STAU2: variants seen among roughly 807,000 people sequenced by gnomAD.
The protein encoded by STAU2 is double-stranded RNA-binding protein Staufen homolog 2.
Under a neutral mutation model 65.9 loss-of-function variants are expected in STAU2, and 20 were observed. That is an observed-to-expected ratio of 0.30 (90% confidence interval 0.21 to 0.44). STAU2 has a LOEUF of 0.44. Ranked by LOEUF, STAU2 falls within the 20% of genes least tolerant of loss-of-function variation. STAU2 has a pLI of 1.00. For missense variants in STAU2, 558 were observed against 683.9 expected (o/e 0.82, Z 2.05); for synonymous variants, 232 against 233.9 (o/e 0.99, Z 0.07).
intron 3 of STAU2, among the ~76,000 whole-genome samples, chr8:73,729,014 T>A (rs1805851072): frequency 6.6e-6 from 1 of 152,240 alleles, no homozygotes; most frequent in African/African-American, 2.4e-5. Context: ...AGGGCAAGGA[T>A]TTCAGTCTTT....
At chr8:73,546,123 C>CTTTTTTTTTTTTTTTTTT (rs71561528) in intron 13 of STAU2, among the ~76,000 whole-genome samples, 5 of 93,286 alleles carry the variant, frequency 5.4e-5, no homozygotes, top group Admixed American at 1.7e-4. Flanking sequence ...GTTTGGTTTT[C>CTTTTTTTTTTTTTTTTTT]TTTTTTTTTT....
chr8:73,488,572 T>A (rs1821025491), intron 13 of STAU2, among the ~76,000 whole-genome samples: 1 of 151,982 alleles, frequency 6.6e-6, no homozygotes, highest in Non-Finnish European at 1.5e-5. Flanking sequence ...GTCTTTTAAA[T>A]CTGAGGTCTC....
intron 12 of STAU2, among the ~76,000 whole-genome samples, chr8:73,573,935 A>G (rs189029324): frequency 0.01 from 1,542 of 152,346 alleles, 22 homozygotes; most frequent in African/African-American, 0.035. Flanking sequence ...GCTTCTGCAC[A>G]GCAAAAGAAA....
At chr8:73,701,327 A>C (rs1182891368) in intron 4 of STAU2, among the ~76,000 whole-genome samples, 1 of 152,186 alleles carries the variant, frequency 6.6e-6, no homozygotes, top group Non-Finnish European at 1.5e-5. Context: ...CAGTCAACAA[A>C]GTGAAGAAAC....
At chr8:73,608,857 G>T (rs1391843240) in intron 9 of STAU2, among the ~76,000 whole-genome samples, 10 of 151,806 alleles carry the variant, frequency 6.6e-5, no homozygotes, top group African/African-American at 2.4e-4. Context: ...GGGCATGGTG[G>T]TGGGCACCTG....
chr8:73,605,307 C>CTTTTTTTTT (rs760108756), intron 9 of STAU2, among the ~76,000 whole-genome samples: 1 of 124,028 alleles, frequency 8.1e-6, no homozygotes, highest in East Asian at 2.3e-4. Context: ...GGCTTTTTTC[C>CTTTTTTTTT]TTTTTTTTTT....
At position 73,497,257 on chromosome 8, in the gene STAU2, C is replaced by T. The variant is rs59180809; in HGVS notation, c.1530+54755G>A. ...TCTATGATGCAGATTTGGCTCTAAT[C>T]TGAAGCTTTAGATCTTTATGTAATC... On this transcript the variant is annotated intron_variant, in intron 13 of 14. Coordinates refer to ENST00000524300, the MANE Select transcript of STAU2 (RefSeq NM_001164380.2). 2.9e-3 allele frequency among the ~76,000 whole-genome samples: 438 copies of T among 151,820 alleles called. 2 individuals are homozygous for T. Among genetic ancestry groups the T allele is most frequent in the African/African-American group, 0.01 (417 of 41,510 alleles).
chr8:73,570,735 G>T (rs1327804729), intron 12 of STAU2, among the ~76,000 whole-genome samples: 1 of 152,210 alleles, frequency 6.6e-6, no homozygotes, highest in Non-Finnish European at 1.5e-5. Context: ...AAGCCCATCA[G>T]ACTAACAGCG....
At chr8:73,448,261 T>C (rs1818585468) in intron 13 of STAU2, among the ~76,000 whole-genome samples, 1 of 152,100 alleles carries the variant, frequency 6.6e-6, no homozygotes, top group African/African-American at 2.4e-5. Flanking sequence ...GAAGGAAGGA[T>C]ATAAGATTTT....
At chr8:73,564,992 G>A (rs1190575773) in intron 12 of STAU2, among the ~76,000 whole-genome samples, 2 of 152,220 alleles carry the variant, frequency 1.3e-5, no homozygotes, top group Non-Finnish European at 2.9e-5. Context: ...TCTTGCCTTT[G>A]CTCCCTAAGC....
intron 12 of STAU2, among the ~76,000 whole-genome samples, chr8:73,564,730 T>C (rs966651029): frequency 6.6e-6 from 1 of 152,186 alleles, no homozygotes; most frequent in African/African-American, 2.4e-5. Context: ...CAACATCATT[T>C]TGTTATAATA....
intron 6 of STAU2, among the ~76,000 whole-genome samples, chr8:73,661,205 T>A (rs1013616887): frequency 6.6e-6 from 1 of 152,116 alleles, no homozygotes; most frequent in African/African-American, 2.4e-5. Flanking sequence ...CTAAACAAGC[T>A]AAAATGCAAT....
chr8:73,696,469 G>A (rs1040750748), intron 4 of STAU2, among the ~76,000 whole-genome samples: 1 of 152,190 alleles, frequency 6.6e-6, no homozygotes, highest in Non-Finnish European at 1.5e-5. Context: ...CTGTTTTGAG[G>A]AAACTCAAAG....
At chr8:73,628,673 T>C (rs1227383475) in intron 6 of STAU2, among the ~76,000 whole-genome samples, 2 of 152,188 alleles carry the variant, frequency 1.3e-5, no homozygotes, top group East Asian at 1.9e-4. Context: ...CACAAGCATA[T>C]GTTTTTGAAA....
chr8:73,646,839 A>AAATATATATCT (rs1815409555), intron 6 of STAU2, among the ~76,000 whole-genome samples: 1 of 152,042 alleles, frequency 6.6e-6, no homozygotes, highest in South Asian at 2.1e-4. Flanking sequence ...ATTTATATCT[A>AAATATATATCT]AAATATATAC....
chr8:73,705,873 T>A (rs1456404271), intron 4 of STAU2, among the ~76,000 whole-genome samples: 5 of 152,190 alleles, frequency 3.3e-5, no homozygotes, highest in Admixed American at 3.3e-4. Context: ...ACTGAAGACA[T>A]TAACCTCTGT....
intron 13 of STAU2, among the ~76,000 whole-genome samples, chr8:73,502,105 G>A (rs955261103): frequency 2.6e-5 from 4 of 151,652 alleles, no homozygotes; most frequent in African/African-American, 9.7e-5. Flanking sequence ...TAATAATTGG[G>A]CAGAATTAGC....
chr8:73,532,995 G>A (rs1805925796), intron 13 of STAU2, among the ~76,000 whole-genome samples: 1 of 152,082 alleles, frequency 6.6e-6, no homozygotes, highest in Admixed American at 6.6e-5. Flanking sequence ...TACAATTCCT[G>A]TCTCCCTAAA....
chr8:73,519,391 T>A lies in STAU2; in HGVS notation c.1530+32621A>T, dbSNP rs1007850954. ...GTCATGAATGACATTATTCAGTGAT[T>A]AGTGACTTGTATACTAATAAGGAGG... On this transcript the variant is annotated intron_variant, in intron 13 of 14. Coordinates refer to ENST00000524300, the MANE Select transcript of STAU2 (RefSeq NM_001164380.2). Among the ~76,000 whole-genome samples, 9 of 152,220 alleles carry A rather than the reference T, an allele frequency of 5.9e-5. No individual in the cohort carries two copies. In the East Asian group the frequency reaches 1.7e-3, roughly 29 times the overall value.
Sources: gnomAD v4.1 joint callset for allele counts (sites outside exome capture counted in the v4.1 genomes callset) on GRCh38, gnomAD v4.1.1 for gene constraint, MANE v1.5 for transcripts, NCBI Gene and HGNC (gene_info 2026-07-23, HGNC 2026-07-21) for gene names.